The following RRP12 variants were observed in gnomAD, a reference collection of about 807,000 sequenced individuals.
The protein encoded by RRP12 is RRP12-like protein.
A neutral mutation model predicts 157.3 loss-of-function variants in RRP12; 78 were observed. The observed-to-expected ratio is 0.50, with a 90% confidence interval of 0.41 to 0.60. The LOEUF (loss-of-function observed/expected upper bound fraction) is 0.60, where lower values mean the gene tolerates loss of function less well. RRP12 is among the 20% of genes least tolerant of loss of function. RRP12 has a pLI of 0.00. For missense variants in RRP12, 1,521 were observed against 1,679.9 expected (o/e 0.91, Z 1.65); for synonymous variants, 726 against 670.9 (o/e 1.08, Z -1.27).
chr10:97,400,973 T>A, intron 1 of RRP12, 120 bp downstream of exon 1: 2 of 1,258,470 alleles, frequency 1.6e-6, no homozygotes, highest in Admixed American at 5.3e-5. Flanking sequence ...AGATCCGACA[T>A]CCTAAGAGAC....
Position 97,370,740 on chromosome 10 carries a change from C to G in RRP12, c.2559G>C (p.Glu853Asp), listed in dbSNP as rs537274825. The change falls in exon 22 of 34, where the codon GAG becomes GAC. Residue 853 changes from glutamate (E) to aspartate (D), a missense_variant. Physicochemically the swap from Glu to Asp is conservative, Grantham distance 45 (BLOSUM62 2). Transcript: ENST00000370992. Reference sequence around the variant, plus strand: ...CCTCTGGGATGAGGGCAGTGATGAACTCCTTGTGTTCAGCTGAGAGCTTCC... The same window carrying G: ...CCTCTGGGATGAGGGCAGTGATGAAGTCCTTGTGTTCAGCTGAGAGCTTCC... ...IVRKLSAEHKEFITALIPEVI... is the reference protein window; with the variant it reads ...IVRKLSAEHKDFITALIPEVI... The G allele has an allele frequency of 6.2e-7, 1 of 1,614,144 alleles. No individual in the cohort carries two copies. Among genetic ancestry groups the G allele is most frequent in the South Asian group, 1.1e-5 (1 of 91,084 alleles).
chr10:97,392,739 G>GT lies in RRP12; in HGVS notation c.530+944dup, dbSNP rs1473809560. ...GGAGTCTTGCACTGTTGACAGGGCT[G>GT]TAAGTGCAATGGCATGATCTCAGCT... On this transcript the variant is annotated intron_variant, in intron 4 of 33. Transcript: ENST00000370992. 5.4e-5 allele frequency among the ~76,000 whole-genome samples: 8 copies of GT among 149,020 alleles called. No individual in the cohort carries two copies. In the South Asian group the frequency reaches 1.3e-3, roughly 24 times the overall value.
chr10:97,370,826 C>A (rs1481729889), intron 21 of RRP12, 30 bp from the exon 22 acceptor site: 1 of 1,611,428 alleles, frequency 6.2e-7, no homozygotes. Context: ...AGTCAGGACC[C>A]CTCAATGCTA....
At chr10:97,371,912 G>A (rs911771555) in intron 20 of RRP12, 161 bp downstream of exon 20, 10 of 582,958 alleles carry the variant, frequency 1.7e-5, no homozygotes, top group Non-Finnish European at 2.5e-5. Flanking sequence ...AAGACAGATG[G>A]GCTACACAGG....
chr10:97,394,341 T>C (rs988919750), intron 3 of RRP12, among the ~76,000 whole-genome samples: 1 of 152,056 alleles, frequency 6.6e-6, no homozygotes. Flanking sequence ...AGACTCCGTC[T>C]CAAAAAAAAT....
Position 97,379,657 on chromosome 10 carries a change from C to A in RRP12, c.1647G>T (p.Gln549His). 1 of 1,614,086 alleles carries A rather than the reference C, an allele frequency of 6.2e-7. No individual in the cohort carries two copies. The highest frequency in any genetic ancestry group is 8.5e-7 in the Non-Finnish European group (1 of 1,180,008). ...VTSMGPEVVL[Q>H]AVPLEIDGSE... Reference sequence around the variant, plus strand: ...AGCCATCAATTTCCAAAGGCACAGCCTGCAGCACCACCTCAGGTCCCATAC... The same window carrying A: ...AGCCATCAATTTCCAAAGGCACAGCATGCAGCACCACCTCAGGTCCCATAC... The change falls in exon 14 of 34, where the codon CAG becomes CAT. Residue 549 changes from glutamine (Q) to histidine (H), a missense_variant. By Grantham distance (24) the Gln-to-His change is conservative. Coordinates refer to ENST00000370992, the MANE Select transcript of RRP12 (RefSeq NM_015179.4).
chr10:97,383,013 C>G (rs776276600), intron 10 of RRP12, among the ~76,000 whole-genome samples: 1 of 152,182 alleles, frequency 6.6e-6, no homozygotes, highest in African/African-American at 2.4e-5. Context: ...CTGCCCATCT[C>G]GGTCTCCTAA....
In RRP12 at chr10:97,366,019, G is replaced by A. The variant is rs578045461; in HGVS notation, c.3517+89C>T. On this transcript the variant is annotated intron_variant, in intron 29 of 33. Coordinates refer to ENST00000370992, the MANE Select transcript of RRP12 (RefSeq NM_015179.4). ...AAGCTGCCGAGAGAAGAGTTTCTCT[G>A]GTCTGTTTTTAGCCACGCTTCCTCA... The A allele has an allele frequency of 9.0e-5, 140 of 1,548,538 alleles. 1 individual carries two copies. The East Asian group carries it at 2.9e-3, about 32-fold the overall frequency.
intron 3 of RRP12, among the ~76,000 whole-genome samples, chr10:97,395,378 C>T (rs1442583804): frequency 2.0e-5 from 3 of 149,940 alleles, no homozygotes; most frequent in Non-Finnish European, 4.4e-5. Context: ...ATGGTGAAAC[C>T]CTGTCTCTAC....
chr10:97,391,607 T>C (rs1230069635), intron 4 of RRP12, among the ~76,000 whole-genome samples: 3 of 151,244 alleles, frequency 2.0e-5, no homozygotes. Context: ...TTTCTAATTG[T>C]GGTAAAATAC....
chr10:97,362,297 C>T (rs1199643074), intron 30 of RRP12, among the ~76,000 whole-genome samples: 2 of 152,050 alleles, frequency 1.3e-5, no homozygotes, highest in Non-Finnish European at 2.9e-5. Context: ...GTCGGTTCTC[C>T]CCGGCCAGGG....
chr10:97,367,269 AC>A, intron 25 of RRP12, 137 bp from the exon 26 acceptor site: 2 of 688,318 alleles, frequency 2.9e-6, no homozygotes, highest in Admixed American at 5.0e-5. Flanking sequence ...CCTGGCCCAC[AC>A]CCTGGCCCAG....
Position 97,401,090 on chromosome 10 carries a change from T to A in RRP12, c.139+3A>T, listed in dbSNP as rs1415296084. 3 of 1,613,044 alleles carry A rather than the reference T, an allele frequency of 1.9e-6. No homozygotes were observed. Among genetic ancestry groups the A allele is most frequent in the Middle Eastern group, 1.7e-4 (1 of 6,054 alleles). ...GGCTGCGCTCGGGTCTCAACCCAGC[T>A]ACCTGACGGCCGGCTGAAGAAGCGG... On this transcript the variant is annotated splice_donor_region_variant and intron_variant, in intron 1 of 33. Transcript: ENST00000370992.
intron 17 of RRP12, 41 bp downstream of exon 17, chr10:97,373,534 T>G (rs764405422): frequency 1.3e-6 from 2 of 1,548,090 alleles, no homozygotes; most frequent in East Asian, 2.3e-5. Flanking sequence ...CAGGGACCTG[T>G]GTCATCCTCC....
At chr10:97,365,966 A>C in intron 29 of RRP12, 142 bp downstream of exon 29, 1 of 1,041,030 alleles carries the variant, frequency 9.6e-7, no homozygotes, top group South Asian at 1.4e-5. Flanking sequence ...TTCTCAAAAA[A>C]AGTTTGAGAA....
intron 6 of RRP12, among the ~76,000 whole-genome samples, chr10:97,388,907 CAG>C (rs1170547424): frequency 2.0e-5 from 3 of 152,138 alleles, no homozygotes; most frequent in Non-Finnish European, 4.4e-5. Flanking sequence ...ATCTTGAAAA[CAG>C]GGGTTTCTTC....
chr10:97,369,605 G>C (rs1332580105), intron 24 of RRP12, 23 bp from the exon 25 acceptor site: 1 of 1,549,418 alleles, frequency 6.5e-7, no homozygotes, highest in African/African-American at 1.4e-5. Context: ...GGGGGTCACT[G>C]TCTAAGACAC....
intron 2 of RRP12, among the ~76,000 whole-genome samples, chr10:97,398,352 C>A (rs868777949): frequency 1.5e-5 from 1 of 67,788 alleles, no homozygotes; most frequent in Non-Finnish European, 2.8e-5. Context: ...CCGCGCCCGG[C>A]CTTTTTTTTT....
chr10:97,367,152 G>T lies in RRP12; in HGVS notation c.2956-20C>A, dbSNP rs765651871. On this transcript the variant is annotated intron_variant, in intron 25 of 33. Transcript: ENST00000370992. ...TTCCATCTGCCGGACAGAGCACCAG[G>T]CTTTCAGGGAGGCGAGCCTTCCATG... The T allele has an allele frequency of 1.2e-6, 2 of 1,609,724 alleles. No individual in the cohort carries two copies. The highest frequency in any genetic ancestry group is 4.5e-5 in the East Asian group (2 of 44,854).
Sources: allele counts gnomAD v4.1 joint callset (sites outside exome capture counted in the v4.1 genomes callset), GRCh38; gene constraint gnomAD v4.1.1; transcripts MANE v1.5; gene names NCBI Gene and HGNC (gene_info 2026-07-23, HGNC 2026-07-21).